The following MYO1B variants were observed in gnomAD, a reference collection of about 807,000 sequenced individuals.
The protein encoded by MYO1B is myosin IB, also known as unconventional myosin-Ib.
In MYO1B, 72 loss-of-function variants were observed where a neutral mutation model predicts 159.7. The observed-to-expected ratio is 0.45, with a 90% CI of 0.37 to 0.55. The LOEUF (loss-of-function observed/expected upper bound fraction) is 0.55. Among genes scored for constraint, MYO1B ranks in the 20% least tolerant of loss-of-function variants. The probability of loss-of-function intolerance (pLI) is 0.00; values close to 1 mark genes in which losing one functional copy is unlikely to be tolerated. For synonymous variants in MYO1B, 468 were observed against 473.8 expected, an observed-to-expected ratio of 0.99 and a Z score of 0.16; for missense variants, 1,062 against 1,364.8, an observed-to-expected ratio of 0.78 and a Z score of 3.50.
intron 5 of MYO1B, among the ~76,000 whole-genome samples, chr2:191,343,422 GT>G (rs897892784): frequency 1.3e-5 from 2 of 152,096 alleles, no homozygotes; most frequent in African/African-American, 2.4e-5. Context: ...CCATGCTTCA[GT>G]TTCACCATTA....
At chr2:191,301,815 G>C (rs7565987) in intron 3 of MYO1B, among the ~76,000 whole-genome samples, 1 of 152,012 alleles carries the variant, frequency 6.6e-6, no homozygotes, top group African/African-American at 2.4e-5. Flanking sequence ...CTGGCCTTTT[G>C]TGTTGGGTGA....
intron 15 of MYO1B, among the ~76,000 whole-genome samples, chr2:191,384,271 A>G (rs1223495358): frequency 6.6e-6 from 1 of 152,240 alleles, no homozygotes; most frequent in African/African-American, 2.4e-5. Context: ...AATTTGAAAC[A>G]GTGTATAAGC....
intron 26 of MYO1B, 28 bp from the exon 27 acceptor site, chr2:191,411,038 T>G: frequency 7.7e-7 from 1 of 1,291,624 alleles, no homozygotes; most frequent in African/African-American, 1.5e-5. Flanking sequence ...TAAATGATGT[T>G]TTGTTTCTTT....
intron 3 of MYO1B, among the ~76,000 whole-genome samples, chr2:191,319,569 A>G (rs529279351): frequency 5.2e-4 from 79 of 152,254 alleles, no homozygotes; most frequent in African/African-American, 1.8e-3. Flanking sequence ...CTCTGTTACA[A>G]ATTTGCAAAC....
At chr2:191,344,542 A>G (rs1257445618) in intron 5 of MYO1B, among the ~76,000 whole-genome samples, 3 of 152,136 alleles carry the variant, frequency 2.0e-5, no homozygotes, top group Non-Finnish European at 4.4e-5. Context: ...TTAAGAATCA[A>G]AAACACAGCC....
rs186680136 is a variant in MYO1B, at chr2:191,387,099, T to G, written c.1555-125T>G. 727 of 890,770 alleles carry G rather than the reference T, an allele frequency of 8.2e-4. 7 individuals carry two copies. The African/African-American group carries it at 0.011, about 14-fold the overall frequency. 55.2% of individuals were successfully genotyped at this position (890,770 alleles called of 1,614,324 possible). On this transcript the variant is annotated intron_variant, in intron 16 of 30. Transcript: ENST00000392318. ...ACTCATTATGAGAGTGTGACTAACATGTCAGGGATTTTTTGATGGTGAAGG... is the reference window on the plus strand; with the variant it reads ...ACTCATTATGAGAGTGTGACTAACAGGTCAGGGATTTTTTGATGGTGAAGG...
chr2:191,302,560 G>A (rs1456172140), intron 3 of MYO1B, among the ~76,000 whole-genome samples: 1 of 152,042 alleles, frequency 6.6e-6, no homozygotes, highest in Non-Finnish European at 1.5e-5. Flanking sequence ...GTTCAGCTTC[G>A]ATTTGTTCAT....
At chr2:191,381,067 G>A (rs966333778) in intron 13 of MYO1B, 15 of 328,988 alleles carry the variant, frequency 4.6e-5, no homozygotes, top group Non-Finnish European at 8.3e-5. Context: ...TCAGTTCAGG[G>A]GGACTTCCTT....
chr2:191,384,507 A>G lies in MYO1B; in HGVS notation c.1353+1165A>G, dbSNP rs763946682. Among the ~76,000 whole-genome samples the G allele has an allele frequency of 3.9e-5, 6 of 152,298 alleles. No homozygotes were observed. The South Asian group carries it at 6.2e-4, about 16-fold the overall frequency. ...TTAAACAATATTCTAAGGCATCACTATTTTTCAATAAGAAATAAACTGTGT... is the reference window on the plus strand; with the variant it reads ...TTAAACAATATTCTAAGGCATCACTGTTTTTCAATAAGAAATAAACTGTGT... On this transcript the variant is annotated intron_variant, in intron 15 of 30. Coordinates refer to ENST00000392318, the MANE Select transcript of MYO1B (RefSeq NM_001130158.3).
chr2:191,359,326 TCATG>T (rs1693512004), intron 7 of MYO1B, among the ~76,000 whole-genome samples: 10 of 148,912 alleles, frequency 6.7e-5, no homozygotes, highest in African/African-American at 2.0e-4. Context: ...TTTTTTTTTT[TCATG>T]TTTTCTAAAT....
chr2:191,362,176 G>A, intron 8 of MYO1B, 92 bp from the exon 9 acceptor site: 1 of 897,182 alleles, frequency 1.1e-6, no homozygotes, highest in Non-Finnish European at 1.8e-6. Flanking sequence ...TAAAAGCCAT[G>A]TTACCGATGT....
chr2:191,333,932 C>T (rs1041651769), intron 4 of MYO1B, among the ~76,000 whole-genome samples: 19 of 152,302 alleles, frequency 1.2e-4, no homozygotes, highest in African/African-American at 3.4e-4. Context: ...CTGAAGGCAT[C>T]TGTACTGATG....
chr2:191,355,929 C>G (rs1247838462), intron 7 of MYO1B, among the ~76,000 whole-genome samples: 1 of 152,116 alleles, frequency 6.6e-6, no homozygotes, highest in Non-Finnish European at 1.5e-5. Flanking sequence ...TAATTTACGA[C>G]ACAATTGGCT....
chr2:191,387,545 G>A (rs1330481150), intron 17 of MYO1B, 95 bp downstream of exon 17: 3 of 1,106,586 alleles, frequency 2.7e-6, no homozygotes, highest in Admixed American at 1.8e-5. Flanking sequence ...TGTAGCCCAA[G>A]CAGAGGGTAA....
chr2:191,405,622 A>C (rs1448703927), intron 24 of MYO1B, among the ~76,000 whole-genome samples: 2 of 152,198 alleles, frequency 1.3e-5, no homozygotes, highest in African/African-American at 4.8e-5. Context: ...GAAAACATTA[A>C]TCTCCTCGTA....
In MYO1B at chr2:191,414,604, G is replaced by A. The variant is rs141570178; in HGVS notation, c.3094G>A (p.Val1032Met). The part of the protein sequence containing the change: ...SGQIKSEVPL[V>M]DVTKVSMSSQ... ...ACAAATCAAGTCAGAGGTTCCATTG[G>A]TGGATGTGACCAAGGTATCAATGAG... Residue 1032 changes from valine (V) to methionine (M), a missense_variant, in exon 29 of 31, where the codon GTG (valine) becomes ATG (methionine). Physicochemically the swap from Val to Met is conservative, Grantham distance 21. Transcript: ENST00000392318. The A allele has an allele frequency of 2.5e-6, 4 of 1,613,684 alleles. No individual in the cohort carries two copies.
chr2:191,400,911 G>T (rs1263944518), intron 23 of MYO1B, 76 bp downstream of exon 23: 13 of 1,357,190 alleles, frequency 9.6e-6, no homozygotes, highest in African/African-American at 1.4e-5. Context: ...CCTATTAGGG[G>T]ATGAATGACT....
chr2:191,370,932 C>T (rs1694324220), intron 13 of MYO1B: 1 of 152,158 alleles, frequency 6.6e-6, no homozygotes, highest in Admixed American at 6.6e-5. Flanking sequence ...AATATTTAAA[C>T]CATTTGTGCT....
In MYO1B at chr2:191,318,208, C is replaced by A. The variant is rs183711796; in HGVS notation, c.252-11727C>A. Among the ~76,000 whole-genome samples the A allele has an allele frequency of 6.4e-4, 98 of 152,214 alleles. 1 individual carries two copies. The East Asian group carries it at 0.013, about 21-fold the overall frequency. On this transcript the variant is annotated intron_variant, in intron 3 of 30. Coordinates refer to ENST00000392318, the MANE Select transcript of MYO1B (RefSeq NM_001130158.3). Reference sequence around the variant, plus strand: ...GTGTACAGGCAAGGGACTCCTAGAGCGAGCTGAGAGGCAGGGAGTTCCAGG... The same window carrying A: ...GTGTACAGGCAAGGGACTCCTAGAGAGAGCTGAGAGGCAGGGAGTTCCAGG...
Sources: allele counts gnomAD v4.1 joint callset (sites outside exome capture counted in the v4.1 genomes callset), GRCh38; gene constraint gnomAD v4.1.1; transcripts MANE v1.5; gene names NCBI Gene and HGNC (gene_info 2026-07-23, HGNC 2026-07-21).